The following SLC16A7 variants were observed in gnomAD, a reference collection of about 807,000 sequenced individuals.
The protein encoded by SLC16A7 is solute carrier family 16 member 7, also known as monocarboxylate transporter 2.
In SLC16A7, 33 loss-of-function variants were observed where a neutral mutation model predicts 34.9. That is an observed-to-expected ratio of 0.94 (90% CI 0.72 to 1.26). The LOEUF is 1.26. SLC16A7 is among the 50% of genes most tolerant of loss of function. The pLI is 0.00. For synonymous variants in SLC16A7, 201 were observed against 206.6 expected, an observed-to-expected ratio of 0.97 and a Z score of 0.23; for missense variants, 573 against 578.1, an observed-to-expected ratio of 0.99 and a Z score of 0.09.
chr12:59,735,937 G>A (rs1877538434), intron 3 of SLC16A7: 11 of 1,251,692 alleles, frequency 8.8e-6, no homozygotes, highest in Non-Finnish European at 1.1e-5. Context: ...TAGGAAAAAA[G>A]GAGAAGCGGA....
intron 4 of SLC16A7, among the ~76,000 whole-genome samples, chr12:59,774,226 G>T (rs963241385): frequency 6.6e-6 from 1 of 152,092 alleles, no homozygotes. Context: ...CTTCAATGCC[G>T]AAAGGAAAGT....
chr12:59,757,796 T>G (rs116117414), intron 3 of SLC16A7, among the ~76,000 whole-genome samples: 1 of 152,114 alleles, frequency 6.6e-6, no homozygotes, highest in Non-Finnish European at 1.5e-5. Flanking sequence ...ACCTTTTTGA[T>G]AGCCCACTTC....
intron 3 of SLC16A7, among the ~76,000 whole-genome samples, chr12:59,744,328 G>T (rs976448371): frequency 1.3e-5 from 2 of 152,112 alleles, no homozygotes; most frequent in African/African-American, 4.8e-5. Flanking sequence ...GGACATTAGA[G>T]ATTATGGTTG....
rs1210169081 is a variant in SLC16A7 at position 59,653,053 on chromosome 12, A to G, written c.-129-2099A>G. 2.6e-5 allele frequency among the ~76,000 whole-genome samples: 4 copies of G among 151,888 alleles called. No homozygotes were observed. In the East Asian group the frequency reaches 7.7e-4, roughly 29 times the overall value. On this transcript the variant is annotated intron_variant, in intron 1 of 5. Coordinates refer to ENST00000547379, the MANE Select transcript of SLC16A7 (RefSeq NM_001270623.2). ...CAAATTACTGTTTATTGTTTTACAT[A>G]TTAGCCCACAAACATATAACTTTTA...
At chr12:59,715,499 A>C (rs1347081626) in intron 3 of SLC16A7, among the ~76,000 whole-genome samples, 1 of 152,212 alleles carries the variant, frequency 6.6e-6, no homozygotes, top group East Asian at 1.9e-4. Context: ...ATTACCAACT[A>C]AAAGCACAAA....
chr12:59,606,363 C>T (rs138157817), intron 1 of SLC16A7, among the ~76,000 whole-genome samples: 1,534 of 152,190 alleles, frequency 0.01, 6 homozygotes, highest in Non-Finnish European at 0.016. Context: ...GATGTGATAG[C>T]GCACATAAAC....
chr12:59,776,224 G>C (rs991444309), intron 5 of SLC16A7, among the ~76,000 whole-genome samples: 1 of 152,268 alleles, frequency 6.6e-6, no homozygotes, highest in African/African-American at 2.4e-5. Context: ...GAGAGAGAGA[G>C]AGAGAAATAG....
chr12:59,708,707 T>C (rs1324182666), intron 3 of SLC16A7, among the ~76,000 whole-genome samples: 1 of 151,802 alleles, frequency 6.6e-6, no homozygotes, highest in Admixed American at 6.6e-5. Context: ...TGGAGCATGT[T>C]CAGAGGCCTG....
intron 1 of SLC16A7, among the ~76,000 whole-genome samples, chr12:59,636,374 G>A (rs1880426025): frequency 6.6e-6 from 1 of 151,912 alleles, no homozygotes; most frequent in South Asian, 2.1e-4. Context: ...AGTATTTTAG[G>A]CCTTTTCTGA....
At chr12:59,607,257 T>C (rs1466919970) in intron 1 of SLC16A7, among the ~76,000 whole-genome samples, 1 of 152,174 alleles carries the variant, frequency 6.6e-6, no homozygotes, top group Middle Eastern at 3.2e-3. Context: ...GAAATTTATT[T>C]TGGAGCTGAG....
chr12:59,601,626 C>T (rs1273237278), intron 1 of SLC16A7, among the ~76,000 whole-genome samples: 1 of 152,124 alleles, frequency 6.6e-6, no homozygotes, highest in Non-Finnish European at 1.5e-5. Context: ...TAAATTTGGG[C>T]TGCGATAACA....
Position 59,775,307 on chromosome 12 carries a change from A to G in SLC16A7, c.1012A>G (p.Thr338Ala). 1 of 1,614,142 alleles carries G rather than the reference A, an allele frequency of 6.2e-7. No individual in the cohort carries two copies. Among genetic ancestry groups the G allele is most frequent in the Non-Finnish European group, 8.5e-7 (1 of 1,180,014 alleles). The change falls in exon 5 of 6, where the codon ACA (threonine) becomes GCA (alanine). Residue 338 changes from threonine to alanine, a missense_variant. Physicochemically the swap from Thr to Ala is moderately conservative, Grantham distance 58. Coordinates refer to ENST00000547379, the MANE Select transcript of SLC16A7 (RefSeq NM_001270623.2). Reference sequence around the variant, plus strand: ...CTTGTGCCCACTGGCACAGGACTACACAAGCCTGGTATTATATGCTGTATT... The same window carrying G: ...CTTGTGCCCACTGGCACAGGACTACGCAAGCCTGGTATTATATGCTGTATT... ...HLLCPLAQDY[T>A]SLVLYAVFFG...
chr12:59,735,954 C>A, intron 3 of SLC16A7: 2 of 1,230,600 alleles, frequency 1.6e-6, no homozygotes, highest in South Asian at 1.3e-5. Flanking sequence ...CGGAATGCAT[C>A]ATTCACCCTT....
At chr12:59,633,850 C>T (rs1230992396) in intron 1 of SLC16A7, among the ~76,000 whole-genome samples, 1 of 151,942 alleles carries the variant, frequency 6.6e-6, no homozygotes, top group African/African-American at 2.4e-5. Context: ...TGGGGCCAAC[C>T]ACCCCATGAT....
chr12:59,781,060 C>CA lies in SLC16A7; in HGVS notation c.*1387dup, dbSNP rs1565724459. 3.9e-5 allele frequency: 6 copies of CA among 152,136 alleles called. No individual in the cohort carries two copies. In the South Asian group the frequency reaches 1.0e-3, roughly 26 times the overall value. The allele number at this position is 152,136 out of a possible 1,614,324, so 9.4% of individuals were successfully genotyped here. ...GTAGGTATAGTTTATAACCTGATAGCAAAAAACTTGAAATATTGCAGCCCA... is the reference window on the plus strand; with the variant it reads ...GTAGGTATAGTTTATAACCTGATAGCAAAAAAACTTGAAATATTGCAGCCCA... On this transcript the variant is annotated 3_prime_UTR_variant, in exon 6 of 6. Transcript: ENST00000547379.
chr12:59,645,664 A>G (rs187863857), intron 1 of SLC16A7, among the ~76,000 whole-genome samples: 15 of 152,254 alleles, frequency 9.9e-5, no homozygotes, highest in African/African-American at 3.6e-4. Flanking sequence ...AATTAGAACC[A>G]CAGAGAGTGG....
At chr12:59,754,032 G>C (rs1360942400) in intron 3 of SLC16A7, among the ~76,000 whole-genome samples, 1 of 152,112 alleles carries the variant, frequency 6.6e-6, no homozygotes, top group Non-Finnish European at 1.5e-5. Flanking sequence ...AATGAAGGCA[G>C]AAATAAAGAT....
chr12:59,668,606 A>G (rs1869409824), intron 2 of SLC16A7, among the ~76,000 whole-genome samples: 1 of 152,162 alleles, frequency 6.6e-6, no homozygotes, highest in Non-Finnish European at 1.5e-5. Context: ...TTATAGCTGG[A>G]AGAGATTTGC....
At chr12:59,617,259 C>CT (rs1879495317) in intron 1 of SLC16A7, among the ~76,000 whole-genome samples, 1 of 151,886 alleles carries the variant, frequency 6.6e-6, no homozygotes, top group Admixed American at 6.6e-5. Context: ...TATATGCACC[C>CT]TTCTCATCCG....
Sources: allele counts gnomAD v4.1 joint callset (sites outside exome capture counted in the v4.1 genomes callset), GRCh38; gene constraint gnomAD v4.1.1; transcripts MANE v1.5; gene names NCBI Gene and HGNC (gene_info 2026-07-23, HGNC 2026-07-21).